ULK4: variants seen among roughly 807,000 people sequenced by gnomAD.
ULK4 encodes unc-51 like kinase 4.
ULK4 carries 133 observed loss-of-function variants against 160.6 expected under a neutral mutation model. That is an observed-to-expected ratio of 0.83 (90% CI 0.72 to 0.96). ULK4 has a LOEUF of 0.96. Among genes scored for constraint, ULK4 ranks in the 40% least tolerant of loss-of-function variants. The pLI, the probability that ULK4 is intolerant of heterozygous loss-of-function variation, is 0.00. For synonymous variants in ULK4, 534 were observed against 539.8 expected, an observed-to-expected ratio of 0.99 and a Z score of 0.15; for missense variants, 1,580 against 1,499.5, an observed-to-expected ratio of 1.05 and a Z score of -0.89.
chr3:41,898,552 TTA>T, intron 13 of ULK4, 60 bp from the exon 14 acceptor site: 1 of 1,028,224 alleles, frequency 9.7e-7, no homozygotes, highest in Non-Finnish European at 1.5e-6. Context: ...ATCTGTCTCC[TTA>T]TATGTCCCTT....
chr3:41,859,210 T>C (rs373823057), intron 17 of ULK4: 14 of 522,860 alleles, frequency 2.7e-5, no homozygotes, highest in South Asian at 2.0e-4. Flanking sequence ...CATTTAAATG[T>C]GGTGCTGATG....
chr3:41,726,762 C>T (rs1371267320), intron 22 of ULK4, among the ~76,000 whole-genome samples: 2 of 152,134 alleles, frequency 1.3e-5, no homozygotes, highest in Non-Finnish European at 2.9e-5. Flanking sequence ...AAGTATGCGC[C>T]ACCACGCCAG....
intron 32 of ULK4, among the ~76,000 whole-genome samples, chr3:41,486,267 T>C (rs1221498261): frequency 6.6e-6 from 1 of 152,208 alleles, no homozygotes; most frequent in Non-Finnish European, 1.5e-5. Context: ...ATAGTAGGTA[T>C]TCAAGAAACA....
chr3:41,638,335 T>G (rs921093750), intron 30 of ULK4, among the ~76,000 whole-genome samples: 1 of 152,072 alleles, frequency 6.6e-6, no homozygotes, highest in Non-Finnish European at 1.5e-5. Context: ...TTTCAAGATA[T>G]CTAATAAAAC....
At chr3:41,422,417 G>A (rs555563116) in intron 34 of ULK4, among the ~76,000 whole-genome samples, 1 of 152,152 alleles carries the variant, frequency 6.6e-6, no homozygotes, top group Admixed American at 6.5e-5. Context: ...TAAATAGAAG[G>A]TGAGATGCTT....
At chr3:41,492,275 T>A (rs1351090597) in intron 32 of ULK4, among the ~76,000 whole-genome samples, 1 of 152,194 alleles carries the variant, frequency 6.6e-6, no homozygotes, top group Non-Finnish European at 1.5e-5. Flanking sequence ...ACAAATGGTA[T>A]CTCTAGTTCT....
At chr3:41,846,466 T>C (rs2042072125) in intron 17 of ULK4, among the ~76,000 whole-genome samples, 1 of 152,124 alleles carries the variant, frequency 6.6e-6, no homozygotes, top group Non-Finnish European at 1.5e-5. Context: ...CCTCTAGTCT[T>C]TAAAAATCCT....
chr3:41,874,554 AT>A (rs2125695716), intron 17 of ULK4, among the ~76,000 whole-genome samples: 1 of 152,346 alleles, frequency 6.6e-6, no homozygotes, highest in South Asian at 2.1e-4. Flanking sequence ...TGTAAAATAA[AT>A]TTTTCAAATT....
chr3:41,768,165 AAAACC>A (rs2039230009), intron 21 of ULK4, among the ~76,000 whole-genome samples: 1 of 152,132 alleles, frequency 6.6e-6, no homozygotes. Flanking sequence ...GTTTCATCCC[AAAACC>A]ACCTCCCCAG....
Position 41,776,680 on chromosome 3 carries a change from C to A in ULK4, c.2193+12981G>T, listed in dbSNP as rs1026142270. On this transcript the variant is annotated intron_variant, in intron 21 of 36. Coordinates refer to ENST00000301831, the MANE Select transcript of ULK4 (RefSeq NM_017886.4). ...CTTTTTCTGCATCTATTGAGATAAT[C>A]ATGTGGTTTTTGTCTTTGGCTCTGT... Among the ~76,000 whole-genome samples, 4 of 111,134 alleles carry A rather than the reference C, an allele frequency of 3.6e-5. 2 individuals carry two copies. The highest frequency in any genetic ancestry group is 1.3e-4 in the African/African-American group (4 of 29,670). 72.9% of individuals were successfully genotyped at this position (111,134 alleles called of 152,430 possible).
chr3:41,857,770 G>A (rs139531797), intron 17 of ULK4, among the ~76,000 whole-genome samples: 3 of 152,144 alleles, frequency 2.0e-5, no homozygotes, highest in East Asian at 1.9e-4. Context: ...CATAGCAGTC[G>A]CTAATGACCC....
At chr3:41,770,451 A>G (rs2039314815) in intron 21 of ULK4, among the ~76,000 whole-genome samples, 1 of 152,068 alleles carries the variant, frequency 6.6e-6, no homozygotes, top group Admixed American at 6.6e-5. Flanking sequence ...CTAATGCTAC[A>G]GATTATAGGA....
intron 35 of ULK4, among the ~76,000 whole-genome samples, chr3:41,321,881 A>C (rs1300314693): frequency 6.9e-6 from 1 of 144,414 alleles, no homozygotes; most frequent in African/African-American, 2.7e-5. Flanking sequence ...CAAGAGAAGA[A>C]TCAGGGGAGA....
intron 12 of ULK4, among the ~76,000 whole-genome samples, chr3:41,901,478 C>CTTTTTTTTTTTTTTTTTTTTTT (rs1305478036): frequency 1.7e-4 from 4 of 22,988 alleles, no homozygotes; most frequent in Non-Finnish European, 6.2e-4. Context: ...CCACGCCCAG[C>CTTTTTTTTTTTTTTTTTTTTTT]CTTTTTTTTT....
At chr3:41,591,598 C>G (rs2031312040) in intron 31 of ULK4, among the ~76,000 whole-genome samples, 1 of 152,014 alleles carries the variant, frequency 6.6e-6, no homozygotes, top group Non-Finnish European at 1.5e-5. Flanking sequence ...GTTAGACAAG[C>G]TGGATTTAGA....
chr3:41,895,842 C>A (rs1698133522), intron 15 of ULK4, among the ~76,000 whole-genome samples: 1 of 152,084 alleles, frequency 6.6e-6, no homozygotes, highest in South Asian at 2.1e-4. Flanking sequence ...AAAAAAGTAA[C>A]CTTAATACTA....
intron 32 of ULK4, among the ~76,000 whole-genome samples, chr3:41,467,089 T>C (rs1002169968): frequency 2.0e-5 from 3 of 152,330 alleles, no homozygotes; most frequent in African/African-American, 7.2e-5. Context: ...CTCACATATA[T>C]TACTGATGAA....
rs1421319543 is a variant in ULK4 at position 41,894,756 on chromosome 3, C to A, written c.1577+762G>T. ...CCAGAAAGCTGATCTTTGATCCACA[C>A]CCAGGTCTGTCTGAATCCTAAACCT... On this transcript the variant is annotated intron_variant, in intron 16 of 36. Coordinates refer to ENST00000301831, the MANE Select transcript of ULK4 (RefSeq NM_017886.4). Among the ~76,000 whole-genome samples the A allele has an allele frequency of 1.2e-4, 19 of 152,180 alleles. 1 individual carries two copies. Among genetic ancestry groups the A allele is most frequent in the Admixed American group, 1.2e-3 (19 of 15,274 alleles).
chr3:41,517,749 A>T (rs1476587522), intron 32 of ULK4, among the ~76,000 whole-genome samples: 2 of 152,164 alleles, frequency 1.3e-5, no homozygotes, highest in African/African-American at 4.8e-5. Context: ...CGCCTCTGCC[A>T]CTCAGGGCTG....
Sources: gnomAD v4.1 joint callset for allele counts (sites outside exome capture counted in the v4.1 genomes callset) on GRCh38, gnomAD v4.1.1 for gene constraint, MANE v1.5 for transcripts, NCBI Gene and HGNC (gene_info 2026-07-23, HGNC 2026-07-21) for gene names.